Variants in RAD18 observed in about 807,000 individuals in gnomAD.
RAD18 encodes the protein RAD18 E3 ubiquitin protein ligase, also known as E3 ubiquitin-protein ligase RAD18.
In RAD18, 47 loss-of-function variants were observed where a neutral mutation model predicts 60.4. The observed-to-expected ratio is 0.78, with a 90% CI of 0.62 to 0.99. The LOEUF (loss-of-function observed/expected upper bound fraction) is 0.99, where lower values mean the gene tolerates loss of function less well. RAD18 is among the 50% of genes least tolerant of loss of function. The pLI, the probability that RAD18 is intolerant of heterozygous loss-of-function variation, is 0.00. For missense variants in RAD18, 640 were observed against 593.3 expected (o/e 1.08, Z -0.82); for synonymous variants, 225 against 195.5 (o/e 1.15, Z -1.26).
chr3:8,896,335 G>A (rs9863438), intron 11 of RAD18, among the ~76,000 whole-genome samples: 14,576 of 152,166 alleles, frequency 0.096, 2,274 homozygotes, highest in African/African-American at 0.33. Context: ...ACAGTGGAGT[G>A]GGGAAACTCA....
chr3:8,931,309 A>G (rs757989347), intron 7 of RAD18, among the ~76,000 whole-genome samples: 2 of 152,234 alleles, frequency 1.3e-5, no homozygotes, highest in Non-Finnish European at 2.9e-5. Context: ...AACAAAATAC[A>G]TGGAACACAC....
chr3:8,947,476 T>C (rs1940856846), intron 3 of RAD18, among the ~76,000 whole-genome samples, 186 bp from the exon 4 acceptor site: 3 of 152,206 alleles, frequency 2.0e-5, no homozygotes, highest in African/African-American at 7.2e-5. Flanking sequence ...TGAATCAGTA[T>C]CTGCTGACTG....
At position 8,941,595 on chromosome 3, in the gene RAD18, G is replaced by C; in HGVS notation, c.476C>G (p.Pro159Arg). The C allele has an allele frequency of 1.9e-6, 3 of 1,614,082 alleles. No homozygotes were observed. The highest frequency in any genetic ancestry group is 2.5e-6 in the Non-Finnish European group (3 of 1,179,996). Residue 159 changes from proline (P) to arginine (R), a missense_variant, in exon 5 of 13, where the codon CCT becomes CGT. Coordinates refer to ENST00000264926, the MANE Select transcript of RAD18 (RefSeq NM_020165.4). The stretch of plus-strand genomic sequence containing the variant: ...TGCAGCAGGGCTCGCCTCTTTTTGA[G>C]GGCTGAATTTGCTTTTATTTTCTTT... ...LIKENKSKFS[P>R]QKEASPAAKT...
chr3:8,948,472 A>C (rs746142401), intron 3 of RAD18, 37 bp downstream of exon 3: 1 of 1,544,634 alleles, frequency 6.5e-7, no homozygotes, highest in Non-Finnish European at 8.9e-7. Context: ...TATTTGCAGC[A>C]GTCAGTAAGT....
chr3:8,916,202 C>T (rs1309103510), intron 7 of RAD18, among the ~76,000 whole-genome samples: 3 of 152,172 alleles, frequency 2.0e-5, no homozygotes, highest in African/African-American at 7.2e-5. Flanking sequence ...TGGGCCCTGA[C>T]CCATAGAGGA....
At chr3:8,888,308 G>A (rs181828689) in intron 12 of RAD18, among the ~76,000 whole-genome samples, 9 of 152,280 alleles carry the variant, frequency 5.9e-5, no homozygotes, top group Admixed American at 1.3e-4. Context: ...AATACAAAAT[G>A]TAGATAGAAG....
intron 2 of RAD18, among the ~76,000 whole-genome samples, chr3:8,949,287 G>C (rs1266530249): frequency 6.6e-6 from 1 of 152,154 alleles, no homozygotes; most frequent in East Asian, 1.9e-4. Flanking sequence ...CCCAAATTCA[G>C]CTGGATTCTG....
intron 7 of RAD18, among the ~76,000 whole-genome samples, chr3:8,920,974 A>G (rs1940308792): frequency 6.6e-6 from 1 of 152,260 alleles, no homozygotes; most frequent in African/African-American, 2.4e-5. Context: ...ATCTACTACA[A>G]GTACTAACTA....
chr3:8,923,679 C>T (rs1940372374), intron 7 of RAD18, among the ~76,000 whole-genome samples: 1 of 152,116 alleles, frequency 6.6e-6, no homozygotes, highest in South Asian at 2.1e-4. Context: ...GTCGGGTTAC[C>T]CACAAAGGGA....
At chr3:8,938,732 T>TA (rs1204173756) in intron 6 of RAD18, among the ~76,000 whole-genome samples, 1 of 152,182 alleles carries the variant, frequency 6.6e-6, no homozygotes, top group African/African-American at 2.4e-5. Context: ...CTCCTATTTT[T>TA]AAAAAGAACA....
At chr3:8,925,687 G>A (rs1301195691) in intron 7 of RAD18, among the ~76,000 whole-genome samples, 1 of 152,116 alleles carries the variant, frequency 6.6e-6, no homozygotes, top group East Asian at 1.9e-4. Flanking sequence ...ACCGAATCCA[G>A]CAGCACATCA....
chr3:8,917,438 T>C (rs867311112), intron 7 of RAD18, among the ~76,000 whole-genome samples: 17 of 152,256 alleles, frequency 1.1e-4, no homozygotes, highest in South Asian at 6.2e-4. Context: ...AAGATAACTG[T>C]TTAATGGACA....
At chr3:8,949,588 C>G (rs1940896411) in intron 2 of RAD18, among the ~76,000 whole-genome samples, 1 of 152,132 alleles carries the variant, frequency 6.6e-6, no homozygotes, top group African/African-American at 2.4e-5. Flanking sequence ...AAAAGCTGAA[C>G]AAACTGAAAA....
intron 4 of RAD18, among the ~76,000 whole-genome samples, chr3:8,942,034 A>G (rs1940756479): frequency 6.6e-6 from 1 of 152,232 alleles, no homozygotes; most frequent in African/African-American, 2.4e-5. Context: ...TTTAGGCCAC[A>G]GAGAACAGCT....
chr3:8,920,752 G>C (rs953937507), intron 7 of RAD18, among the ~76,000 whole-genome samples: 1 of 152,164 alleles, frequency 6.6e-6, no homozygotes, highest in African/African-American at 2.4e-5. Flanking sequence ...ACACAACAAA[G>C]ACTGTATTCT....
At chr3:8,921,956 G>T (rs1044967655) in intron 7 of RAD18, among the ~76,000 whole-genome samples, 1 of 152,154 alleles carries the variant, frequency 6.6e-6, no homozygotes, top group Non-Finnish European at 1.5e-5. Context: ...AAAGTCAGGG[G>T]CAGTTCCAAG....
In RAD18 at chr3:8,899,020, G is replaced by A. The variant is rs754954253; in HGVS notation, c.1196C>T (p.Thr399Ile). The change falls in exon 11 of 13, where the codon ACA (threonine) becomes ATA (isoleucine). Residue 399 changes from threonine to isoleucine, a missense_variant. By Grantham distance (89) the Thr-to-Ile change is moderately conservative. Coordinates refer to ENST00000264926, the MANE Select transcript of RAD18 (RefSeq NM_020165.4). Reference protein sequence around the residue: ...MGQEDNMTSVTNHFSQSKLDS... With the variant: ...MGQEDNMTSVINHFSQSKLDS... ...CAGCTTTGATTGAGAAAAGTGGTTT[G>A]TTACTGAGGTCATATTATCTTCCTG... 3 of 1,603,992 alleles carry A rather than the reference G, an allele frequency of 1.9e-6. No individual in the cohort carries two copies. The South Asian group carries it at 3.4e-5, about 18-fold the overall frequency.
chr3:8,943,952 A>C (rs1424647906), intron 4 of RAD18, among the ~76,000 whole-genome samples: 1 of 152,194 alleles, frequency 6.6e-6, no homozygotes, highest in East Asian at 1.9e-4. Flanking sequence ...AGAAGAGAGA[A>C]ACTAATAACA....
intron 12 of RAD18, among the ~76,000 whole-genome samples, chr3:8,882,717 T>G (rs1427958964): frequency 6.6e-6 from 1 of 152,064 alleles, no homozygotes; most frequent in East Asian, 1.9e-4. Context: ...CCTCTGGCAA[T>G]CCAGCCCCAA....
Sources: gnomAD v4.1 joint callset for allele counts (sites outside exome capture counted in the v4.1 genomes callset) on GRCh38, gnomAD v4.1.1 for gene constraint, MANE v1.5 for transcripts, NCBI Gene and HGNC (gene_info 2026-07-23, HGNC 2026-07-21) for gene names.